Variants in FAM217A observed in about 807,000 individuals in gnomAD.
FAM217A encodes family with sequence similarity 217 member A.
Under a neutral mutation model 18.5 loss-of-function variants are expected in FAM217A, and 13 were observed. The ratio of observed to expected loss-of-function variants is 0.70; its 90% CI spans 0.46 to 1.12. FAM217A has a LOEUF of 1.12. Among genes scored for constraint, FAM217A ranks in the 50% most tolerant of loss-of-function variants. FAM217A has a pLI of 0.00. For synonymous variants in FAM217A, 161 were observed against 202.8 expected (o/e 0.79, Z 1.75); for missense variants, 560 against 575.4 (o/e 0.97, Z 0.27).
chr6:4,078,632 G>A (rs1770031326), intron 1 of FAM217A, among the ~76,000 whole-genome samples: 1 of 152,206 alleles, frequency 6.6e-6, no homozygotes, highest in African/African-American at 2.4e-5. Context: ...CCTGAAGGAC[G>A]GCCCTGGGGA....
chr6:4,070,446 A>G (rs1016306467), intron 6 of FAM217A, among the ~76,000 whole-genome samples: 19 of 152,218 alleles, frequency 1.2e-4, no homozygotes, highest in Non-Finnish European at 5.9e-5. Context: ...CCTATTAAAA[A>G]TTATCCCAGA....
In FAM217A at chr6:4,078,890, C is replaced by A. The variant is rs1309416819; in HGVS notation, c.-73G>T. 1 of 575,262 alleles carries A rather than the reference C, an allele frequency of 1.7e-6. No individual in the cohort carries two copies. The highest frequency in any genetic ancestry group is 3.0e-5 in the Admixed American group (1 of 33,886). The allele number at this position is 575,262 out of a possible 1,614,324, so 35.6% of individuals were successfully genotyped here. A position where few individuals can be genotyped will look rare whatever the true frequency, so the allele number is the denominator to read the frequency against. On this transcript the variant is annotated 5_prime_UTR_variant, in exon 1 of 7. Coordinates refer to ENST00000274673, the MANE Select transcript of FAM217A (RefSeq NM_173563.3). ...ACGTGTCCTCCCCGGCGTGCTCTCC[C>A]GGTGCGCCGCCCCGAGGCCCGAGCG...
intron 1 of FAM217A, among the ~76,000 whole-genome samples, chr6:4,086,544 G>A (rs562227982): frequency 1.3e-5 from 2 of 151,826 alleles, no homozygotes; most frequent in South Asian, 4.2e-4. Flanking sequence ...TGTATCATAT[G>A]GTATAATCAT....
chr6:4,085,303 T>TAAAAAA (rs879633358), intron 1 of FAM217A, among the ~76,000 whole-genome samples: 2 of 142,116 alleles, frequency 1.4e-5, no homozygotes, highest in Non-Finnish European at 3.1e-5. Context: ...TTATTCATTG[T>TAAAAAA]AAAAAAAAAT....
In FAM217A at chr6:4,069,895, T is replaced by G; in HGVS notation, c.328A>C (p.Thr110Pro). 1 of 1,575,008 alleles carries G rather than the reference T, an allele frequency of 6.3e-7. No individual in the cohort carries two copies. Residue 110 changes from threonine (T) to proline (P), a missense_variant, in exon 7 of 7, where the codon ACT (threonine) becomes CCT (proline). Transcript: ENST00000274673. ...GGATGATTGATTACATTAAAGCCAG[T>G]TTCCACTGAAGATTTTTTGAATTCC... ...KREFKKSSVE[T>P]GFNVINHPIR...
chr6:4,074,518 A>T, intron 3 of FAM217A, 59 bp downstream of exon 3: 3 of 1,577,482 alleles, frequency 1.9e-6, no homozygotes, highest in Non-Finnish European at 2.6e-6. Context: ...TTCAAAACAA[A>T]CCCCCTTTTA....
rs913168069 is a variant in FAM217A at position 4,069,364 on chromosome 6, T to C, written c.859A>G (p.Ile287Val). Reference sequence around the variant, plus strand: ...CGTTCTAGTTCCAGTAAACGAGTTATCAAGTGTTCAACAGAGGTTTCTGCA... The same window carrying C: ...CGTTCTAGTTCCAGTAAACGAGTTACCAAGTGTTCAACAGAGGTTTCTGCA... ...DPAETSVEHL[I>V]TRLLELERLQ... The change falls in exon 7 of 7, where the codon ATA (isoleucine) becomes GTA (valine). Residue 287 changes from isoleucine to valine, a missense_variant. Ile to Val is a conservative substitution (Grantham distance 29). Coordinates refer to ENST00000274673, the MANE Select transcript of FAM217A (RefSeq NM_173563.3). The C allele has an allele frequency of 1.2e-6, 2 of 1,614,204 alleles. No homozygotes were observed. Among genetic ancestry groups the C allele is most frequent in the Admixed American group, 1.7e-5 (1 of 60,020 alleles).
At chr6:4,079,556 C>G (rs770017228), upstream of FAM217A, 34 of 1,252,382 alleles carry the variant, frequency 2.7e-5, no homozygotes, top group South Asian at 4.0e-4. Flanking sequence ...AGGCCCTTCC[C>G]TGGGCCTCTC....
chr6:4,072,925 G>T (rs188494795), intron 6 of FAM217A, among the ~76,000 whole-genome samples: 1 of 152,170 alleles, frequency 6.6e-6, no homozygotes, highest in East Asian at 1.9e-4. Context: ...TTACATGGTC[G>T]GTTGTGATTT....
rs1769265953 is a variant in FAM217A at position 4,069,619 on chromosome 6, C to G, written c.604G>C (p.Glu202Gln). The G allele has an allele frequency of 6.2e-7, 1 of 1,614,020 alleles. No homozygotes were observed. Among genetic ancestry groups the G allele is most frequent in the Non-Finnish European group, 8.5e-7 (1 of 1,180,042 alleles). Residue 202 changes from glutamate to glutamine, a missense_variant, in exon 7 of 7, where the codon GAA becomes CAA. Coordinates refer to ENST00000274673, the MANE Select transcript of FAM217A (RefSeq NM_173563.3). ...NSSVEENFTD[E>Q]SDLSENEKTN... ...TTCTCATTTTCTGATAAATCACTTT[C>G]ATCTGTGAAATTTTCTTCCACACTG...
upstream of FAM217A, among the ~76,000 whole-genome samples, chr6:4,080,081 C>T (rs145961819): frequency 3.3e-3 from 507 of 152,156 alleles, 3 homozygotes; most frequent in African/African-American, 0.011. Context: ...CAAATGAATA[C>T]TAAACATTTG....
chr6:4,080,664 C>T (rs1770227607), upstream of FAM217A, among the ~76,000 whole-genome samples: 1 of 152,210 alleles, frequency 6.6e-6, no homozygotes, highest in South Asian at 2.1e-4. Context: ...AACCCTAATT[C>T]TGCAGCCATC....
chr6:4,068,704 G>A lies in FAM217A; in HGVS notation c.1519C>T (p.Gln507Ter). Residue 507 changes from glutamine (Q) to a stop codon, truncating the protein, a stop_gained, in exon 7 of 7, where the codon CAA becomes TAA. Coordinates refer to ENST00000274673, the MANE Select transcript of FAM217A (RefSeq NM_173563.3). LOFTEE classifies it high-confidence loss of function. ...AKDKCCSPIE[Q>*]K ...TGTATGAAAGAAAAGAGTTATTTTT[G>A]TTCAATGGGTGAGCAGCACTTATCC... 2 of 1,592,258 alleles carry A rather than the reference G, an allele frequency of 1.3e-6. No individual in the cohort carries two copies. The highest frequency in any genetic ancestry group is 1.7e-6 in the Non-Finnish European group (2 of 1,172,330).
At position 4,069,259 on chromosome 6, in the gene FAM217A, A is replaced by G. The variant is rs771434559; in HGVS notation, c.964T>C (p.Ser322Pro). The G allele has an allele frequency of 1.9e-6, 3 of 1,614,202 alleles. No individual in the cohort carries two copies. In the South Asian group the frequency reaches 3.3e-5, roughly 18 times the overall value. The change falls in exon 7 of 7, where the codon TCT becomes CCT. Residue 322 changes from serine (S) to proline (P), a missense_variant. Physicochemically the swap from Ser to Pro is moderately conservative, Grantham distance 74. Transcript: ENST00000274673. ...FCTPAVTERPSSSKATPKVRQ... is the reference protein window; with the variant it reads ...FCTPAVTERPPSSKATPKVRQ... The stretch of plus-strand genomic sequence containing the variant: ...ACTTTTGGTGTAGCTTTGGAGGAAG[A>G]GGGTCGTTCAGTAACTGCTGGAGTA...
At chr6:4,072,019 G>A (rs1215878117) in intron 6 of FAM217A, among the ~76,000 whole-genome samples, 4 of 152,108 alleles carry the variant, frequency 2.6e-5, no homozygotes, top group African/African-American at 4.8e-5. Flanking sequence ...CTTAATGCAC[G>A]ATAAAGTTTA....
chr6:4,074,626 A>T lies in FAM217A; in HGVS notation c.96T>A (p.Pro32=). The T allele has an allele frequency of 6.2e-7, 1 of 1,613,734 alleles. No individual in the cohort carries two copies. The highest frequency in any genetic ancestry group is 8.5e-7 in the Non-Finnish European group (1 of 1,179,700). The change falls in exon 3 of 7, where the codon CCT becomes CCA. Residue 32 remains proline, a synonymous_variant. Coordinates refer to ENST00000274673, the MANE Select transcript of FAM217A (RefSeq NM_173563.3). ...LSHWNLDSEV[P]VSENKNLPAG... The stretch of plus-strand genomic sequence containing the variant: ...CTGGGAGGTTTTTATTTTCAGAAAC[A>T]GGTACTTCTGAATCCAAATTCCAGT...
chr6:4,078,542 G>A (rs1334586592), intron 1 of FAM217A, among the ~76,000 whole-genome samples: 5 of 152,220 alleles, frequency 3.3e-5, no homozygotes, highest in Non-Finnish European at 7.3e-5. Context: ...GAAGGCGGTT[G>A]CTGAGCAGGT....
In FAM217A at chr6:4,068,472, CA is replaced by C; in HGVS notation, c.*223del. The C allele has an allele frequency of 2.4e-6, 1 of 423,456 alleles. No individual in the cohort carries two copies. The highest frequency in any genetic ancestry group is 4.1e-6 in the Non-Finnish European group (1 of 242,504). The allele number at this position is 423,456 out of a possible 1,614,324, so 26.2% of individuals were successfully genotyped here. A position where few individuals can be genotyped will look rare whatever the true frequency, so the allele number is the denominator to read the frequency against. ...CCAAGTGAACCATTTACTTGAAACA[CA>C]ACATGCAAAAGATTGTGAAATATGT... On this transcript the variant is annotated 3_prime_UTR_variant, in exon 7 of 7. Transcript: ENST00000274673.
At chr6:4,076,895 C>T (rs757916610) in intron 2 of FAM217A, among the ~76,000 whole-genome samples, 1 of 151,986 alleles carries the variant, frequency 6.6e-6, no homozygotes, top group African/African-American at 2.4e-5. Flanking sequence ...ACAAAAAACA[C>T]CAAAACAACA....
Sources: gnomAD v4.1 joint callset for allele counts (sites outside exome capture counted in the v4.1 genomes callset) on GRCh38, gnomAD v4.1.1 for gene constraint, MANE v1.5 for transcripts, NCBI Gene and HGNC (gene_info 2026-07-23, HGNC 2026-07-21) for gene names.